RIF1: variants seen among roughly 807,000 people sequenced by gnomAD.
The protein encoded by RIF1 is telomere-associated protein RIF1.
RIF1 carries 45 observed loss-of-function variants against 247.1 expected under a neutral mutation model. The observed-to-expected ratio is 0.18, with a 90% CI of 0.14 to 0.23. The LOEUF (loss-of-function observed/expected upper bound fraction) is 0.23, where lower values mean the gene tolerates loss of function less well. RIF1 is among the 10% of genes least tolerant of loss of function. The probability of loss-of-function intolerance (pLI) is 1.00; values close to 1 mark genes in which losing one functional copy is unlikely to be tolerated. For synonymous variants in RIF1, 1,087 were observed against 978.8 expected (o/e 1.11, Z -2.06); for missense variants, 2,967 against 2,862.5 (o/e 1.04, Z -0.83).
At chr2:151,526,476 ATCTT>A in the RIF1 span, among the ~76,000 whole-genome samples, 2 of 152,286 alleles carry the variant, frequency 1.3e-5, no homozygotes, top group East Asian at 3.9e-4. Flanking sequence ...CTCGTGATGA[ATCTT>A]TATATAGTCA....
At chr2:151,485,757 T>A (rs777522469), downstream of RIF1, 1 of 1,602,228 alleles carries the variant, frequency 6.2e-7, no homozygotes, top group Non-Finnish European at 8.5e-7. Context: ...TGCTTTGAAA[T>A]GCCTAAATAG....
rs772981010 is a variant in RIF1, at chr2:151,465,811, A to G, written c.6291A>G (p.Lys2097=). Reference sequence around the variant, plus strand: ...CTGAGTATAGTAAATCTGAAGAAAAATTAGATAACAATCAAATGGTAATGG... The same window carrying G: ...CTGAGTATAGTAAATCTGAAGAAAAGTTAGATAACAATCAAATGGTAATGG... The part of the protein sequence containing the change: ...TNTEYSKSEE[K]LDNNQMVMES... Residue 2097 remains lysine (K), a synonymous_variant, in exon 30 of 36, where the codon AAA becomes AAG. Transcript: ENST00000444746. 1.2e-6 allele frequency: 2 copies of G among 1,613,380 alleles called. No homozygotes were observed. Among genetic ancestry groups the G allele is most frequent in the Non-Finnish European group, 1.7e-6 (2 of 1,179,316 alleles).
At position 151,465,321 on chromosome 2, in the gene RIF1, A is replaced by G. The variant is rs774215366; in HGVS notation, c.5801A>G (p.Lys1934Arg). The G allele has an allele frequency of 6.2e-7, 1 of 1,613,964 alleles. No homozygotes were observed. The highest frequency in any genetic ancestry group is 1.7e-5 in the Admixed American group (1 of 59,974). ...AGCTTTCATGGACAAGAGAGAACCA[A>G]AACTGGTATTTCTGAAGAAGCAGCA... is the stretch of plus-strand genomic sequence containing the variant. ...EASFHGQERT[K>R]TGISEEAAIE... Residue 1934 changes from lysine to arginine, a missense_variant, in exon 30 of 36, where the codon AAA becomes AGA. By Grantham distance (26) the Lys-to-Arg change is conservative. Coordinates refer to ENST00000444746, the MANE Select transcript of RIF1 (RefSeq NM_018151.5).
chr2:151,473,248 A>G lies in RIF1; in HGVS notation c.7096-716A>G, dbSNP rs1353869853. On this transcript the variant is annotated intron_variant, in intron 34 of 35. Transcript: ENST00000444746. ...ACTTTCTGAACTTAGTATTTTCTCA[A>G]TCAGTGGTCCATACGTCCTAGGAAC... 2.0e-5 allele frequency among the ~76,000 whole-genome samples: 3 copies of G among 150,708 alleles called. No individual in the cohort carries two copies. In the East Asian group the frequency reaches 5.8e-4, roughly 29 times the overall value.
chr2:151,484,427 CTG>C (rs2049372844), downstream of RIF1, among the ~76,000 whole-genome samples: 1 of 152,236 alleles, frequency 6.6e-6, no homozygotes. Flanking sequence ...AAAACCCTGT[CTG>C]TACTGAAAAT....
chr2:151,472,489 A>G (rs1303323518), intron 34 of RIF1, among the ~76,000 whole-genome samples: 1 of 152,182 alleles, frequency 6.6e-6, no homozygotes, highest in Non-Finnish European at 1.5e-5. Flanking sequence ...CCCATTCAGT[A>G]TGATATTGGC....
At chr2:151,526,087 A>G in the RIF1 span, 1 of 1,612,432 alleles carries the variant, frequency 6.2e-7, no homozygotes, top group Non-Finnish European at 8.5e-7. Context: ...ATCCATAGAG[A>G]GCTCATTAAG....
rs373483361 is a variant in RIF1, at chr2:151,437,231, T to C, written c.1373-10T>C. 53 of 1,584,346 alleles carry C rather than the reference T, an allele frequency of 3.3e-5. No homozygotes were observed. In the Middle Eastern group the frequency reaches 6.6e-4, roughly 20 times the overall value. On this transcript the variant is annotated splice_polypyrimidine_tract_variant and intron_variant, in intron 12 of 35. Transcript: ENST00000444746. Reference sequence around the variant, plus strand: ...GTTTTACATAATTATCTTTTATTCTTCCCTTTCAGAGCCATTGGAACATCC... The same window carrying C: ...GTTTTACATAATTATCTTTTATTCTCCCCTTTCAGAGCCATTGGAACATCC...
intron 10 of RIF1, among the ~76,000 whole-genome samples, chr2:151,434,171 A>G (rs1314706817): frequency 6.6e-6 from 1 of 151,066 alleles, no homozygotes; most frequent in African/African-American, 2.4e-5. Context: ...CCATCTCAAA[A>G]AAAAAAAAAA....
Position 151,492,458 on chromosome 2 carries a change from C to T in RIF1, c.*416-2771C>T. The T allele has an allele frequency of 1.9e-6, 3 of 1,613,410 alleles. No homozygotes were observed. The highest frequency in any genetic ancestry group is 1.3e-5 in the African/African-American group (1 of 74,960). On this transcript the variant is annotated intron_variant and NMD_transcript_variant, in intron 9 of 13. Transcript: ENST00000454583. ...GTATCCAATACATAGGCAGCTTTGC[C>T]TTGTATTTGTTTCCGGAAACTATCA...
At chr2:151,461,096 G>C in intron 26 of RIF1, 42 bp from the exon 27 acceptor site, 1 of 1,558,648 alleles carries the variant, frequency 6.4e-7, no homozygotes, top group Non-Finnish European at 8.7e-7. Context: ...AAAATAATTT[G>C]GAAGCTAAAA....
At chr2:151,468,830 G>A (rs1217035888) in intron 33 of RIF1, 74 bp downstream of exon 33, 4 of 1,058,190 alleles carry the variant, frequency 3.8e-6, no homozygotes, top group East Asian at 2.4e-5. Flanking sequence ...TGATTGCTTG[G>A]TTCTCATGTT....
At chr2:151,484,247 T>TA (rs2049349877), downstream of RIF1, among the ~76,000 whole-genome samples, 1 of 152,218 alleles carries the variant, frequency 6.6e-6, no homozygotes. Flanking sequence ...TTCTTTGCAA[T>TA]AGCACCTGCA....
intron 22 of RIF1, among the ~76,000 whole-genome samples, chr2:151,455,939 A>G (rs1027674923): frequency 2.0e-5 from 3 of 152,214 alleles, no homozygotes; most frequent in South Asian, 2.1e-4. Flanking sequence ...CCTCATAACA[A>G]TTGAACATTA....
intron 8 of RIF1, among the ~76,000 whole-genome samples, chr2:151,424,257 G>T (rs1019983128): frequency 6.6e-6 from 1 of 152,052 alleles, no homozygotes; most frequent in African/African-American, 2.4e-5. Context: ...GCATGTGCCA[G>T]TATGTCCGGC....
At chr2:151,494,324 A>G in intron 9 of RIF1, 1 of 1,049,366 alleles carries the variant, frequency 9.5e-7, no homozygotes, top group East Asian at 2.6e-5. Context: ...AGGAAATGGT[A>G]CAGATAACTT....
rs752964937 is a variant in RIF1, at chr2:151,438,708, A to T, written c.1508A>T (p.Lys503Met). 2.5e-6 allele frequency: 4 copies of T among 1,612,948 alleles called. No homozygotes were observed. Among genetic ancestry groups the T allele is most frequent in the Non-Finnish European group, 3.4e-6 (4 of 1,178,956 alleles). Residue 503 changes from lysine (K) to methionine (M), a missense_variant, in exon 14 of 36, where the codon AAG becomes ATG. Coordinates refer to ENST00000444746, the MANE Select transcript of RIF1 (RefSeq NM_018151.5). Reference sequence around the variant, plus strand: ...GATGTGGTTGTCAGTGCTATCTGGAAGGAGCTAATTAGCTTGGTGAAGTCA... The same window carrying T: ...GATGTGGTTGTCAGTGCTATCTGGATGGAGCTAATTAGCTTGGTGAAGTCA... Reference protein sequence around the residue: ...APDVVVSAIWKELISLVKSVT... With the variant: ...APDVVVSAIWMELISLVKSVT...
At chr2:151,453,553 C>G (rs1694686841) in intron 21 of RIF1, among the ~76,000 whole-genome samples, 1 of 137,178 alleles carries the variant, frequency 7.3e-6, no homozygotes, top group Non-Finnish European at 1.5e-5. Context: ...CTCCACCAGC[C>G]TGGGCAACAG....
At chr2:151,466,168 A>G (rs781458927) in intron 30 of RIF1, 48 bp downstream of exon 30, 2 of 1,240,212 alleles carry the variant, frequency 1.6e-6, no homozygotes, top group East Asian at 2.3e-5. Flanking sequence ...TTTGGTTGGG[A>G]TATTTTGGCC....
Sources: gnomAD v4.1 joint callset for allele counts (sites outside exome capture counted in the v4.1 genomes callset) on GRCh38, gnomAD v4.1.1 for gene constraint, MANE v1.5 for transcripts, NCBI Gene and HGNC (gene_info 2026-07-23, HGNC 2026-07-21) for gene names.